BBOX1: variants seen among roughly 807,000 people sequenced by gnomAD.
BBOX1 encodes the protein gamma-butyrobetaine dioxygenase.
BBOX1 carries 35 observed loss-of-function variants against 41.6 expected under a neutral mutation model. The ratio of observed to expected loss-of-function variants is 0.84; its 90% confidence interval spans 0.64 to 1.11. BBOX1 has a LOEUF of 1.11. BBOX1 is among the 50% of genes most tolerant of loss of function. The probability of loss-of-function intolerance (pLI) is 0.00; values close to 1 mark genes in which losing one functional copy is unlikely to be tolerated. For missense variants in BBOX1, 458 were observed against 460.6 expected (o/e 0.99, Z 0.05); for synonymous variants, 163 against 154.7 (o/e 1.05, Z -0.40).
At chr11:27,120,287 G>A (rs1328120893) in intron 7 of BBOX1, among the ~76,000 whole-genome samples, 1 of 152,108 alleles carries the variant, frequency 6.6e-6, no homozygotes, top group Non-Finnish European at 1.5e-5. Flanking sequence ...GAAGCTCCAA[G>A]ATTTCATTTT....
In BBOX1 at chr11:27,120,016, A is replaced by G. The variant is rs540764288; in HGVS notation, c.836+171A>G. Among the ~76,000 whole-genome samples the G allele has an allele frequency of 7.9e-5, 12 of 152,232 alleles. No individual in the cohort carries two copies. In the South Asian group the frequency reaches 2.5e-3, roughly 32 times the overall value. ...TTTTCACCATAAAAGTTTTTATTAA[A>G]TTACATAAAATTTATCCCTAATCAG... On this transcript the variant is annotated intron_variant, in intron 7 of 8. Coordinates refer to ENST00000263182, the MANE Select transcript of BBOX1 (RefSeq NM_003986.3).
intron 5 of BBOX1, among the ~76,000 whole-genome samples, chr11:27,094,904 G>A (rs542566923): frequency 6.6e-6 from 1 of 152,066 alleles, no homozygotes; most frequent in Middle Eastern, 3.4e-3. Context: ...ACAGACAAAG[G>A]AAAGAGGGGG....
At chr11:27,053,427 A>G (rs1053889230) in intron 2 of BBOX1, among the ~76,000 whole-genome samples, 1 of 152,242 alleles carries the variant, frequency 6.6e-6, no homozygotes, top group Non-Finnish European at 1.5e-5. Flanking sequence ...ACATTCTTAT[A>G]GGGTTTTAAA....
At chr11:27,127,136 T>C (rs190316696) in intron 8 of BBOX1, among the ~76,000 whole-genome samples, 157 bp from the exon 9 acceptor site, 43 of 152,262 alleles carry the variant, frequency 2.8e-4, no homozygotes, top group African/African-American at 9.1e-4. Context: ...AGTGGCCTGA[T>C]TTGTGTGGAA....
rs763379692 is a variant in BBOX1, at chr11:27,125,654, G to T, written c.837G>T (p.Glu279Asp). The T allele has an allele frequency of 5.8e-6, 9 of 1,540,998 alleles. No homozygotes were observed. The highest frequency in any genetic ancestry group is 1.4e-5 in the African/African-American group (1 of 72,316). ...FSVQSKHKII[E>D]LDDKGQVVRI... The stretch of plus-strand genomic sequence containing the variant: ...TTAATTTTTTCTCTTAATAAAACAG[G>T]TTAGATGATAAAGGCCAAGTGGTTC... The change falls in exon 8 of 9, where the codon GAG becomes GAT. Residue 279 changes from glutamate (E) to aspartate (D), a missense_variant and splice_region_variant. By Grantham distance (45) the Glu-to-Asp change is conservative (BLOSUM62 2). Coordinates refer to ENST00000263182, the MANE Select transcript of BBOX1 (RefSeq NM_003986.3).
intron 5 of BBOX1, among the ~76,000 whole-genome samples, chr11:27,097,276 G>A (rs1409657326): frequency 1.3e-5 from 2 of 152,018 alleles, no homozygotes; most frequent in Non-Finnish European, 2.9e-5. Flanking sequence ...TTTAGGAAAG[G>A]TGATATTATT....
At chr11:27,068,281 A>G (rs1304149325) in intron 4 of BBOX1, among the ~76,000 whole-genome samples, 2 of 152,180 alleles carry the variant, frequency 1.3e-5, no homozygotes, top group Non-Finnish European at 2.9e-5. Flanking sequence ...TGAGGGCAAA[A>G]TGGCATCTCA....
intron 5 of BBOX1, among the ~76,000 whole-genome samples, chr11:27,095,306 T>C (rs1264949801): frequency 6.6e-6 from 1 of 151,992 alleles, no homozygotes; most frequent in Non-Finnish European, 1.5e-5. Context: ...GGGATCTTTG[T>C]TGGAGTTCTC....
chr11:27,119,207 T>C (rs991056580), intron 6 of BBOX1, among the ~76,000 whole-genome samples: 5 of 152,040 alleles, frequency 3.3e-5, no homozygotes, highest in Admixed American at 6.6e-5. Context: ...GTCACCTGAT[T>C]TGCTTTCTCG....
chr11:27,090,044 C>A (rs530179619), intron 4 of BBOX1, among the ~76,000 whole-genome samples: 1 of 152,070 alleles, frequency 6.6e-6, no homozygotes, highest in South Asian at 2.1e-4. Flanking sequence ...ACATCTATTG[C>A]CTCTCTGAGA....
At chr11:27,106,983 TG>T (rs1394460050) in intron 5 of BBOX1, among the ~76,000 whole-genome samples, 4 of 152,156 alleles carry the variant, frequency 2.6e-5, no homozygotes, top group African/African-American at 7.2e-5. Flanking sequence ...TGCTCCTGAA[TG>T]ACTACTGGGT....
chr11:27,057,084 A>AAAAAAAAAAAAAAAAAAAAAAAAAAAAG, intron 3 of BBOX1, 117 bp from the exon 4 acceptor site: 1 of 383,616 alleles, frequency 2.6e-6, no homozygotes. Context: ...AAAAAAAAAA[A>AAAAAAAAAAAAAAAAAAAAAAAAAAAAG]ATTAAGCAAA....
At chr11:27,054,234 T>TGTGTGTGTGTGTGC (rs1491475061) in intron 2 of BBOX1, among the ~76,000 whole-genome samples, 6,565 of 148,222 alleles carry the variant, frequency 0.044, 229 homozygotes, top group Admixed American at 0.12. Flanking sequence ...TGTGTGTGTG[T>TGTGTGTGTGTGTGC]GCGTGCACAT....
At chr11:27,102,123 T>C (rs1858684211) in intron 5 of BBOX1, among the ~76,000 whole-genome samples, 2 of 151,814 alleles carry the variant, frequency 1.3e-5, no homozygotes. Flanking sequence ...TTTATGTCAA[T>C]TAAATTGTAG....
intron 5 of BBOX1, among the ~76,000 whole-genome samples, chr11:27,108,665 C>G (rs1858948518): frequency 6.6e-6 from 1 of 151,984 alleles, no homozygotes; most frequent in Admixed American, 6.6e-5. Context: ...CATCTTTTTT[C>G]ACTCAGCCTG....
intron 2 of BBOX1, among the ~76,000 whole-genome samples, chr11:27,052,834 G>A (rs372322856): frequency 3.3e-5 from 5 of 152,076 alleles, no homozygotes; most frequent in East Asian, 1.9e-4. Flanking sequence ...TTATACTTCC[G>A]CTTCTTGCCT....
At chr11:27,079,837 A>G (rs369559523) in intron 4 of BBOX1, among the ~76,000 whole-genome samples, 63 of 152,250 alleles carry the variant, frequency 4.1e-4, no homozygotes, top group African/African-American at 1.5e-3. Context: ...CTCCAGTAGC[A>G]GGCTTACCCT....
chr11:27,093,228 G>C lies in BBOX1; in HGVS notation c.395G>C (p.Arg132Thr). The change falls in exon 5 of 9, where the codon AGA becomes ACA. Residue 132 changes from arginine (R) to threonine (T), a missense_variant. Transcript: ENST00000263182. ...ACTTTGGATTTTGAAGATGTTTTAAGATATGATGAACACGCATACAAGTGG... is the reference window on the plus strand; with the variant it reads ...ACTTTGGATTTTGAAGATGTTTTAACATATGATGAACACGCATACAAGTGG... ...LPTLDFEDVL[R>T]YDEHAYKWLS... The C allele has an allele frequency of 6.2e-7, 1 of 1,612,444 alleles. No homozygotes were observed. The highest frequency in any genetic ancestry group is 8.5e-7 in the Non-Finnish European group (1 of 1,178,990).
intron 6 of BBOX1, among the ~76,000 whole-genome samples, chr11:27,118,392 A>T (rs2134101611): frequency 6.6e-6 from 1 of 152,180 alleles, no homozygotes; most frequent in South Asian, 2.1e-4. Flanking sequence ...ATTTTCTATA[A>T]CAAACAGAAC....
Sources: gnomAD v4.1 joint callset for allele counts (sites outside exome capture counted in the v4.1 genomes callset) on GRCh38, gnomAD v4.1.1 for gene constraint, MANE v1.5 for transcripts, NCBI Gene and HGNC (gene_info 2026-07-23, HGNC 2026-07-21) for gene names.